CA10: variants seen among roughly 807,000 people sequenced by gnomAD.
CA10 encodes the protein carbonic anhydrase-related protein 10.
In CA10, 14 loss-of-function variants were observed where a neutral mutation model predicts 44.2. That is an observed-to-expected ratio of 0.32 (90% confidence interval 0.21 to 0.50). The LOEUF is 0.50. Among genes scored for constraint, CA10 ranks in the 20% least tolerant of loss-of-function variants. CA10 has a pLI of 0.99. For synonymous variants in CA10, 159 were observed against 141.6 expected (o/e 1.12, Z -0.87); for missense variants, 350 against 409.7 (o/e 0.85, Z 1.26).
chr17:52,119,818 A>G (rs1988974237), intron 1 of CA10, among the ~76,000 whole-genome samples: 1 of 152,212 alleles, frequency 6.6e-6, no homozygotes, highest in Non-Finnish European at 1.5e-5. Flanking sequence ...AAACTTAGAC[A>G]TTTGTCATTA....
chr17:51,900,292 A>C (rs55792616), intron 3 of CA10, among the ~76,000 whole-genome samples: 14,886 of 152,154 alleles, frequency 0.098, 913 homozygotes, highest in African/African-American at 0.18. Context: ...TATGAAGCTT[A>C]GTTTGGCAGG....
intron 1 of CA10, among the ~76,000 whole-genome samples, chr17:52,107,721 C>G (rs991325818): frequency 3.3e-5 from 5 of 152,192 alleles, no homozygotes; most frequent in Admixed American, 3.3e-4. Flanking sequence ...CTACTTCCCT[C>G]CACAAAGCAG....
intron 3 of CA10, among the ~76,000 whole-genome samples, chr17:51,915,809 A>G (rs1178232473): frequency 2.6e-5 from 4 of 152,082 alleles, no homozygotes; most frequent in African/African-American, 9.7e-5. Context: ...GGCTCACTCC[A>G]GTATCTGTCC....
At chr17:51,882,834 G>T (rs1980436822) in intron 3 of CA10, among the ~76,000 whole-genome samples, 2 of 152,158 alleles carry the variant, frequency 1.3e-5, no homozygotes, top group South Asian at 4.1e-4. Flanking sequence ...GGTCCAGGAA[G>T]GTTTTCTTTT....
chr17:51,772,853 T>G (rs1408471663), intron 3 of CA10, among the ~76,000 whole-genome samples: 3 of 152,176 alleles, frequency 2.0e-5, no homozygotes, highest in Non-Finnish European at 4.4e-5. Flanking sequence ...AACCCATGCT[T>G]TCTCTACCTC....
chr17:52,127,937 A>T (rs1251090870), intron 1 of CA10, among the ~76,000 whole-genome samples: 1 of 152,220 alleles, frequency 6.6e-6, no homozygotes, highest in East Asian at 1.9e-4. Flanking sequence ...CACACTTTGG[A>T]TGTACTATCT....
intron 3 of CA10, among the ~76,000 whole-genome samples, chr17:51,837,901 C>T (rs891705746): frequency 1.3e-5 from 2 of 152,180 alleles, no homozygotes; most frequent in Non-Finnish European, 2.9e-5. Context: ...TAACATTTCT[C>T]CTGGTCAAGG....
chr17:51,769,170 T>G (rs1905502513), intron 3 of CA10, among the ~76,000 whole-genome samples: 1 of 152,176 alleles, frequency 6.6e-6, no homozygotes, highest in South Asian at 2.1e-4. Context: ...TTAAAATGGA[T>G]GGACAGATTC....
chr17:51,979,446 G>A (rs903528850), intron 2 of CA10, among the ~76,000 whole-genome samples: 15 of 152,154 alleles, frequency 9.9e-5, no homozygotes, highest in African/African-American at 3.4e-4. Context: ...ATTAAACCTA[G>A]TACCCAATAG....
At chr17:52,157,672 C>G in intron 1 of CA10, 54 bp downstream of exon 1, 1 of 1,522,434 alleles carries the variant, frequency 6.6e-7, no homozygotes, top group South Asian at 1.1e-5. Flanking sequence ...CCCCATACAC[C>G]CCAGACATCA....
intron 3 of CA10, among the ~76,000 whole-genome samples, chr17:51,832,765 T>A (rs1398095580): frequency 6.6e-6 from 1 of 152,158 alleles, no homozygotes; most frequent in Non-Finnish European, 1.5e-5. Context: ...CTCCAGAGAT[T>A]GAAGATAAGG....
chr17:51,700,399 G>A (rs1450606972), intron 4 of CA10, among the ~76,000 whole-genome samples: 1 of 152,160 alleles, frequency 6.6e-6, no homozygotes. Context: ...AGACCCCTGG[G>A]TTTTGTCCGA....
intron 2 of CA10, among the ~76,000 whole-genome samples, chr17:51,961,252 G>A (rs1323665764): frequency 6.6e-6 from 1 of 151,040 alleles, no homozygotes; most frequent in African/African-American, 2.4e-5. Flanking sequence ...GAAACTGACT[G>A]ATACACCTCA....
At chr17:52,099,623 C>G (rs1988489186) in intron 1 of CA10, among the ~76,000 whole-genome samples, 1 of 152,164 alleles carries the variant, frequency 6.6e-6, no homozygotes, top group South Asian at 2.1e-4. Context: ...TGGTGGCAAG[C>G]TGACTGTTGG....
chr17:51,710,286 T>G (rs1915892724), intron 4 of CA10, among the ~76,000 whole-genome samples: 1 of 152,194 alleles, frequency 6.6e-6, no homozygotes, highest in Non-Finnish European at 1.5e-5. Flanking sequence ...AGAAAATCTT[T>G]TTGAAGGCAG....
chr17:51,901,999 A>G (rs1205148394), intron 3 of CA10, among the ~76,000 whole-genome samples: 3 of 152,188 alleles, frequency 2.0e-5, no homozygotes, highest in Non-Finnish European at 2.9e-5. Context: ...GAAATACAGT[A>G]TAGTACTAAT....
chr17:51,955,215 G>A (rs996412472), intron 2 of CA10, among the ~76,000 whole-genome samples: 7 of 152,080 alleles, frequency 4.6e-5, no homozygotes, highest in Non-Finnish European at 7.4e-5. Context: ...TCTGCATCTC[G>A]AAGTGGTCAC....
rs143037874 is a variant in CA10, at chr17:51,693,926, T to C, written c.466-40190A>G. On this transcript the variant is annotated intron_variant, in intron 4 of 8. Transcript: ENST00000451037. ...GTTCTTTAAGAAATTCACCCCCGGC[T>C]GGACACAGTGGCTCACACCTGTAAT... Among the ~76,000 whole-genome samples the C allele has an allele frequency of 5.0e-3, 761 of 152,288 alleles. 10 individuals carry two copies. Among genetic ancestry groups the C allele is most frequent in the African/African-American group, 0.017 (721 of 41,566 alleles).
chr17:51,731,611 C>T (rs928970202), intron 4 of CA10, among the ~76,000 whole-genome samples: 8 of 141,078 alleles, frequency 5.7e-5, no homozygotes, highest in African/African-American at 8.0e-5. Context: ...TATGACATCT[C>T]ATCAGCCTAC....
Sources: gnomAD v4.1 joint callset for allele counts (sites outside exome capture counted in the v4.1 genomes callset) on GRCh38, gnomAD v4.1.1 for gene constraint, MANE v1.5 for transcripts, NCBI Gene and HGNC (gene_info 2026-07-23, HGNC 2026-07-21) for gene names.